Variants in RMDN2 observed in about 807,000 individuals in gnomAD.
RMDN2 encodes regulator of microtubule dynamics 2, also known as regulator of microtubule dynamics protein 2.
Under a neutral mutation model 52.8 loss-of-function variants are expected in RMDN2, and 61 were observed. The observed-to-expected ratio is 1.16, with a 90% CI of 0.94 to 1.43. RMDN2 has a LOEUF of 1.43. Ranked by LOEUF, RMDN2 falls within the 40% of genes most tolerant of loss-of-function variation. The pLI is 0.00. For missense variants in RMDN2, 592 were observed against 475.3 expected, an observed-to-expected ratio of 1.25 and a Z score of -2.28; for synonymous variants, 180 against 153.1, an observed-to-expected ratio of 1.18 and a Z score of -1.30.
chr2:37,941,136 C>G (rs1223809626), intron 2 of RMDN2, among the ~76,000 whole-genome samples: 1 of 152,208 alleles, frequency 6.6e-6, no homozygotes, highest in Non-Finnish European at 1.5e-5. Flanking sequence ...AGTTTTCCTT[C>G]TAACAGTCAG....
chr2:38,044,858 G>A (rs535902520), intron 10 of RMDN2, among the ~76,000 whole-genome samples: 1 of 152,184 alleles, frequency 6.6e-6, no homozygotes, highest in African/African-American at 2.4e-5. Context: ...GGTAATGCTA[G>A]TATAATGTAG....
intron 10 of RMDN2, among the ~76,000 whole-genome samples, chr2:38,023,814 T>C (rs1679567416): frequency 6.6e-6 from 1 of 151,896 alleles, no homozygotes; most frequent in Non-Finnish European, 1.5e-5. Flanking sequence ...AAAAACTGCA[T>C]GTATTTAAAG....
At chr2:38,028,074 A>G (rs1349644523) in intron 10 of RMDN2, 4 of 152,222 alleles carry the variant, frequency 2.6e-5, no homozygotes, top group African/African-American at 7.2e-5. Context: ...TCAGAGCTCA[A>G]TGTACTTTGC....
At chr2:37,946,278 A>G (rs1051683259) in intron 2 of RMDN2, among the ~76,000 whole-genome samples, 1 of 152,130 alleles carries the variant, frequency 6.6e-6, no homozygotes, top group African/African-American at 2.4e-5. Flanking sequence ...GGAAGTTGAA[A>G]GAGTTCCTGC....
intron 1 of RMDN2, among the ~76,000 whole-genome samples, chr2:37,928,405 G>T (rs1215201818): frequency 1.3e-5 from 2 of 152,204 alleles, no homozygotes; most frequent in Non-Finnish European, 2.9e-5. Flanking sequence ...ACAATGCTTG[G>T]TAGAATATGT....
intron 2 of RMDN2, among the ~76,000 whole-genome samples, chr2:37,940,905 C>T (rs1022522874): frequency 2.0e-5 from 3 of 152,204 alleles, no homozygotes; most frequent in South Asian, 2.1e-4. Context: ...ATTCATCAAA[C>T]TCATTCTCTG....
downstream of RMDN2, chr2:38,017,748 G>T: frequency 1.2e-5 from 4 of 327,606 alleles, no homozygotes; most frequent in South Asian, 1.2e-4. Flanking sequence ...CATCAAACTA[G>T]CTTTCACTCG....
intron 10 of RMDN2, among the ~76,000 whole-genome samples, chr2:38,059,675 A>G (rs1442501357): frequency 1.3e-5 from 2 of 152,176 alleles, no homozygotes. Flanking sequence ...AGGCTTCATT[A>G]GAGAGATGAG....
chr2:37,980,065 C>G (rs567506511), intron 4 of RMDN2, among the ~76,000 whole-genome samples: 1 of 151,788 alleles, frequency 6.6e-6, no homozygotes, highest in Non-Finnish European at 1.5e-5. Flanking sequence ...CAAATAGAAC[C>G]GTGGTTTTAG....
At chr2:38,031,385 C>T (rs1349769879) in intron 10 of RMDN2, among the ~76,000 whole-genome samples, 2 of 151,720 alleles carry the variant, frequency 1.3e-5, no homozygotes, top group African/African-American at 2.4e-5. Flanking sequence ...GTGATCCTCC[C>T]ACCTCAGCCT....
intron 10 of RMDN2, among the ~76,000 whole-genome samples, chr2:38,065,016 A>G (rs1260149912): frequency 6.6e-6 from 1 of 152,198 alleles, no homozygotes; most frequent in African/African-American, 2.4e-5. Context: ...CAAAGTTTAC[A>G]TAGGAGGGCA....
chr2:37,956,328 C>T (rs577510918), intron 2 of RMDN2, among the ~76,000 whole-genome samples: 16 of 152,108 alleles, frequency 1.1e-4, no homozygotes, highest in South Asian at 4.2e-4. Flanking sequence ...TTAATCAATT[C>T]GCTGGCATAC....
intron 2 of RMDN2, chr2:37,951,504 G>T: frequency 6.2e-7 from 1 of 1,611,914 alleles, no homozygotes. Context: ...ACAAAGTAGA[G>T]CTAACTTTGA....
intron 3 of RMDN2, chr2:37,974,748 T>G (rs1655984100): frequency 6.3e-6 from 1 of 157,860 alleles, no homozygotes; most frequent in Non-Finnish European, 1.4e-5. Flanking sequence ...AAACACATTG[T>G]CTAAAACTTG....
intron 8 of RMDN2, among the ~76,000 whole-genome samples, chr2:38,003,591 GATA>G (rs1676637296): frequency 1.3e-5 from 2 of 152,006 alleles, no homozygotes; most frequent in African/African-American, 4.8e-5. Flanking sequence ...TAGATAGATA[GATA>G]GATAGATAGG....
At chr2:38,002,668 T>G (rs920074278) in intron 8 of RMDN2, among the ~76,000 whole-genome samples, 25 of 152,236 alleles carry the variant, frequency 1.6e-4, no homozygotes, top group Non-Finnish European at 3.1e-4. Flanking sequence ...TTGCCTATAC[T>G]TGGCAAAGAG....
chr2:38,015,522 G>A (rs1468009517), intron 10 of RMDN2, among the ~76,000 whole-genome samples: 1 of 146,046 alleles, frequency 6.8e-6, no homozygotes. Context: ...CGGAGATTGC[G>A]CCACTGCACT....
intron 10 of RMDN2, among the ~76,000 whole-genome samples, chr2:38,043,321 T>C (rs907317803): frequency 3.3e-5 from 5 of 152,198 alleles, no homozygotes; most frequent in Admixed American, 2.0e-4. Flanking sequence ...ACTGCAGCTT[T>C]TTTAAATTAG....
chr2:37,945,218 T>G (rs1224229904), intron 2 of RMDN2, among the ~76,000 whole-genome samples: 1 of 152,232 alleles, frequency 6.6e-6, no homozygotes, highest in Non-Finnish European at 1.5e-5. Context: ...CCATTAAATC[T>G]GTAAATATAA....
Sources: gnomAD v4.1 joint callset for allele counts (sites outside exome capture counted in the v4.1 genomes callset) on GRCh38, gnomAD v4.1.1 for gene constraint, MANE v1.5 for transcripts, NCBI Gene and HGNC (gene_info 2026-07-23, HGNC 2026-07-21) for gene names.